The following SERPINA10 variants were observed in gnomAD, a reference collection of about 807,000 sequenced individuals.
SERPINA10 encodes the protein serpin family A member 10, also known as protein Z-dependent protease inhibitor.
Under a neutral mutation model 28.0 loss-of-function variants are expected in SERPINA10, and 24 were observed. That is an observed-to-expected ratio of 0.86 (90% CI 0.62 to 1.20). The LOEUF (loss-of-function observed/expected upper bound fraction) is 1.20, where lower values mean the gene tolerates loss of function less well. SERPINA10 is among the 50% of genes most tolerant of loss of function. SERPINA10 has a pLI of 0.00. For missense variants in SERPINA10, 521 were observed against 537.7 expected (o/e 0.97, Z 0.31); for synonymous variants, 207 against 203.9 (o/e 1.02, Z -0.13).
chr14:94,285,856 C>A (rs952353713), intron 4 of SERPINA10, among the ~76,000 whole-genome samples: 1 of 152,072 alleles, frequency 6.6e-6, no homozygotes, highest in African/African-American at 2.4e-5. Context: ...ATTTCAGGGT[C>A]AAATTTCTCC....
At chr14:94,292,741 G>A in intron 1 of SERPINA10, 1 of 698,074 alleles carries the variant, frequency 1.4e-6, no homozygotes, top group Non-Finnish European at 2.6e-6. Flanking sequence ...GTCTAGGCCA[G>A]GAGCTCAGGG....
At chr14:94,288,124 G>A (rs1433332437) in intron 3 of SERPINA10, among the ~76,000 whole-genome samples, 162 bp downstream of exon 3, 1 of 152,216 alleles carries the variant, frequency 6.6e-6, no homozygotes, top group Non-Finnish European at 1.5e-5. Context: ...TGTGACAGAT[G>A]CTGGGGATAG....
At chr14:94,291,933 T>TC (rs1895188664) in intron 1 of SERPINA10, among the ~76,000 whole-genome samples, 1 of 152,170 alleles carries the variant, frequency 6.6e-6, no homozygotes, top group Non-Finnish European at 1.5e-5. Flanking sequence ...CACTACCCTC[T>TC]CCCCTGTAGA....
chr14:94,291,570 C>T (rs1369320741), intron 1 of SERPINA10, among the ~76,000 whole-genome samples: 1 of 152,212 alleles, frequency 6.6e-6, no homozygotes, highest in Admixed American at 6.5e-5. Flanking sequence ...AGGCCTGATC[C>T]CAGAGGCTGG....
Position 94,290,191 on chromosome 14 carries a change from G to A in SERPINA10, c.403C>T (p.Pro135Ser). 6.2e-7 allele frequency: 1 copy of A among 1,613,716 alleles called. No homozygotes were observed. Among genetic ancestry groups the A allele is most frequent in the Non-Finnish European group, 8.5e-7 (1 of 1,179,774 alleles). Residue 135 changes from proline (P) to serine (S), a missense_variant, in exon 2 of 5, where the codon CCC (proline) becomes TCC (serine). Coordinates refer to ENST00000261994, the MANE Select transcript of SERPINA10 (RefSeq NM_001100607.3). ...GAAGGCAGGAGCCCGGGCTTGGTGG[G>A]CTTCAGGGCCTGCAAGTGGAGCCCT... ...KRGLHLQALK[P>S]TKPGLLPSLF...
In SERPINA10 at chr14:94,290,564, G is replaced by A. The variant is rs764890013; in HGVS notation, c.30C>T (p.Ser10=). The A allele has an allele frequency of 4.3e-5, 70 of 1,613,516 alleles. 1 individual carries two copies. The highest frequency in any genetic ancestry group is 3.3e-4 in the Middle Eastern group (2 of 6,082). The change falls in exon 2 of 5, where the codon TCC becomes TCT. Residue 10 remains serine, a synonymous_variant. Transcript: ENST00000261994. The part of the protein sequence containing the change: MKVVPSLLL[S]VLLAQVWLVP... ...CCAGCCACACCTGTGCCAGGAGGACGGAGAGCAGGAGACTTGGCACCACCT... is the reference window on the plus strand; with the variant it reads ...CCAGCCACACCTGTGCCAGGAGGACAGAGAGCAGGAGACTTGGCACCACCT...
chr14:94,292,968 C>G (rs1895216837), intron 1 of SERPINA10: 4 of 414,736 alleles, frequency 9.6e-6, no homozygotes, highest in Non-Finnish European at 1.8e-5. Context: ...TTTCCCTTGG[C>G]CTCCTTCCTG....
In SERPINA10 at chr14:94,289,966, T is replaced by C. The variant is rs752663121; in HGVS notation, c.628A>G (p.Asn210Asp). The change falls in exon 2 of 5, where the codon AAC becomes GAC. Residue 210 changes from asparagine (N) to aspartate (D), a missense_variant. Asn to Asp is a conservative substitution (Grantham distance 23). Coordinates refer to ENST00000261994, the MANE Select transcript of SERPINA10 (RefSeq NM_001100607.3). ...QAKRLMNHYI[N>D]KETRGKIPKL... is the part of the protein sequence containing the mutation. ...GGAATTTTCCCCCGAGTCTCTTTGT[T>C]AATGTAATGATTCATGAGCCTTTTG... is the stretch of plus-strand genomic sequence containing the variant. 6.2e-7 allele frequency: 1 copy of C among 1,614,244 alleles called. No homozygotes were observed. The highest frequency in any genetic ancestry group is 1.1e-5 in the South Asian group (1 of 91,084).
At position 94,286,144 on chromosome 14, in the gene SERPINA10, T is replaced by TTAG; in HGVS notation, c.1106_1107insCTA (p.Glu369delinsAspTer). Reference sequence around the variant, plus strand: ...GGAGATTTCTTCCAGTAGCTGAGAGTTCACTAAGGTCAGCAAAGGGTGAGA... The same window carrying TTAG: ...GGAGATTTCTTCCAGTAGCTGAGAGTTAGTCACTAAGGTCAGCAAAGGGTGAGA... On this transcript the variant is annotated stop_gained and protein_altering_variant, in exon 4 of 5. Coordinates refer to ENST00000261994, the MANE Select transcript of SERPINA10 (RefSeq NM_001100607.3). LOFTEE classifies it low-confidence loss of function (END_TRUNC). 1 of 1,614,056 alleles carries TTAG rather than the reference T, an allele frequency of 6.2e-7. No homozygotes were observed. Among genetic ancestry groups the TTAG allele is most frequent in the South Asian group, 1.1e-5 (1 of 91,078 alleles).
At chr14:94,284,342 TAAAC>T (rs1894971721) in intron 4 of SERPINA10, among the ~76,000 whole-genome samples, 186 bp from the exon 5 acceptor site, 1 of 152,154 alleles carries the variant, frequency 6.6e-6, no homozygotes, top group South Asian at 2.1e-4. Flanking sequence ...ACAGGAGTCT[TAAAC>T]AATACCAGGA....
At chr14:94,286,651 A>G (rs1394166466) in intron 3 of SERPINA10, among the ~76,000 whole-genome samples, 2 of 152,220 alleles carry the variant, frequency 1.3e-5, no homozygotes, top group Non-Finnish European at 2.9e-5. Context: ...GGAGGGGAGC[A>G]AAGAAAACTT....
rs201684309 is a variant in SERPINA10, at chr14:94,290,605, C to A, written c.-12G>T. 3,581 of 1,612,596 alleles carry A rather than the reference C, an allele frequency of 2.2e-3. 86 individuals carry two copies. The East Asian group carries it at 0.027, about 12-fold the overall frequency. On this transcript the variant is annotated 5_prime_UTR_variant, in exon 2 of 5. Coordinates refer to ENST00000261994, the MANE Select transcript of SERPINA10 (RefSeq NM_001100607.3). The stretch of plus-strand genomic sequence containing the variant: ...GGCACCACCTTCATGTGATCGGCTG[C>A]GGAGGCCAAGGAGTGCCTCCCTTCA...
At position 94,288,272 on chromosome 14, in the gene SERPINA10, G is replaced by A. The variant is rs762785940; in HGVS notation, c.992+14C>T. The A allele has an allele frequency of 1.2e-6, 2 of 1,613,026 alleles. No individual in the cohort carries two copies. The highest frequency in any genetic ancestry group is 2.2e-5 in the East Asian group (1 of 44,884). On this transcript the variant is annotated intron_variant, in intron 3 of 4. Coordinates refer to ENST00000261994, the MANE Select transcript of SERPINA10 (RefSeq NM_001100607.3). Reference sequence around the variant, plus strand: ...AAAGGTAGAGTTTGTATAGGGTGTGGGCAAGAGTTGTACCTGGTTTTCATG... The same window carrying A: ...AAAGGTAGAGTTTGTATAGGGTGTGAGCAAGAGTTGTACCTGGTTTTCATG...
intron 1 of SERPINA10, among the ~76,000 whole-genome samples, chr14:94,291,327 T>G (rs982497471): frequency 1.3e-5 from 2 of 152,168 alleles, no homozygotes; most frequent in Admixed American, 1.3e-4. Flanking sequence ...CATAGAGCCC[T>G]CAGCCACCTG....
Position 94,289,856 on chromosome 14 carries a change from G to A in SERPINA10, c.718+20C>T. On this transcript the variant is annotated intron_variant, in intron 2 of 4. Coordinates refer to ENST00000261994, the MANE Select transcript of SERPINA10 (RefSeq NM_001100607.3). ...CGTAGGGCCCTGTGGCCTTGGGAGA[G>A]CAGAACATTATCAAAGTACCTTTGA... is the stretch of plus-strand genomic sequence containing the variant. 1 of 1,612,568 alleles carries A rather than the reference G, an allele frequency of 6.2e-7. No homozygotes were observed. The highest frequency in any genetic ancestry group is 2.2e-5 in the East Asian group (1 of 44,826).
intron 1 of SERPINA10, 100 bp downstream of exon 1, chr14:94,293,089 A>G (rs184385637): frequency 5.5e-6 from 1 of 181,764 alleles, no homozygotes; most frequent in African/African-American, 2.3e-5. Flanking sequence ...GCTCAGCCAC[A>G]CAGCCCTCAC....
rs528538405 is a variant in SERPINA10, at chr14:94,293,039, G to A, written c.-51+150C>T. 50 of 272,530 alleles carry A rather than the reference G, an allele frequency of 1.8e-4. 1 individual carries two copies. Among genetic ancestry groups the A allele is most frequent in the African/African-American group, 1.0e-3 (47 of 46,866 alleles). 16.9% of individuals were successfully genotyped at this position (272,530 alleles called of 1,614,324 possible). ...CCCCACTCCAGCTCCCAATCTGTAT[G>A]TACAGTCCCTGTGGAGTGTAGGATG... is the stretch of plus-strand genomic sequence containing the variant. On this transcript the variant is annotated intron_variant, in intron 1 of 4. Coordinates refer to ENST00000261994, the MANE Select transcript of SERPINA10 (RefSeq NM_001100607.3).
intron 1 of SERPINA10, chr14:94,292,808 A>ACC: frequency 1.6e-6 from 1 of 633,094 alleles, no homozygotes; most frequent in South Asian, 1.7e-5. Context: ...TCCTAGACAG[A>ACC]ACCTGGGCAG....
chr14:94,290,621 C>T lies in SERPINA10; in HGVS notation c.-28G>A, dbSNP rs1459634027. On this transcript the variant is annotated 5_prime_UTR_variant, in exon 2 of 5. Transcript: ENST00000261994. ...GATCGGCTGCGGAGGCCAAGGAGTG[C>T]CTCCCTTCAGCTGCAAGACTTCCTG... 6.2e-7 allele frequency: 1 copy of T among 1,611,128 alleles called. No homozygotes were observed.
Sources: gnomAD v4.1 joint callset for allele counts (sites outside exome capture counted in the v4.1 genomes callset) on GRCh38, gnomAD v4.1.1 for gene constraint, MANE v1.5 for transcripts, NCBI Gene and HGNC (gene_info 2026-07-23, HGNC 2026-07-21) for gene names.